The following DPP4 variants were observed in gnomAD, a reference collection of about 807,000 sequenced individuals.
The protein encoded by DPP4 is dipeptidyl peptidase 4.
DPP4 carries 93 observed loss-of-function variants against 122.4 expected under a neutral mutation model. That is an observed-to-expected ratio of 0.76 (90% CI 0.64 to 0.90). The LOEUF (loss-of-function observed/expected upper bound fraction) is 0.90, where lower values mean the gene tolerates loss of function less well. Among genes scored for constraint, DPP4 ranks in the 40% least tolerant of loss-of-function variants. DPP4 has a pLI of 0.00. For synonymous variants in DPP4, 321 were observed against 302.9 expected, an observed-to-expected ratio of 1.06 and a Z score of -0.62; for missense variants, 914 against 907.3, an observed-to-expected ratio of 1.01 and a Z score of -0.09.
In DPP4 at chr2:162,022,669, A is replaced by G; in HGVS notation, c.1068+86T>C. The stretch of plus-strand genomic sequence containing the variant: ...CTAATATTGCTATTAATAACGTATC[A>G]CTTAGAGCCCTAGTTTTAAATAGCT... On this transcript the variant is annotated intron_variant, in intron 12 of 25. Transcript: ENST00000360534. The G allele has an allele frequency of 3.9e-6, 5 of 1,271,756 alleles. No homozygotes were observed. The Admixed American group carries it at 8.5e-5, about 22-fold the overall frequency. 78.8% of individuals were successfully genotyped at this position (1,271,756 alleles called of 1,614,324 possible). A position where few individuals can be genotyped will look rare whatever the true frequency, so the allele number is the denominator to read the frequency against.
rs1267632895 is a variant in DPP4, at chr2:161,995,308, G to A, written c.2117C>T (p.Thr706Ile). Residue 706 changes from threonine (T) to isoleucine (I), a missense_variant, in exon 24 of 26, where the codon ACA becomes ATA. By Grantham distance (89) the Thr-to-Ile change is moderately conservative (BLOSUM62 -1). Coordinates refer to ENST00000360534, the MANE Select transcript of DPP4 (RefSeq NM_001935.4). ...AATTAACTGAAACTCACCATCTGCT[G>A]TTCCATGAATAAGGAGGTACTCAAC... ...KQVEYLLIHG[T>I]ADDNVHFQQS... is the part of the protein sequence containing the mutation. 4 of 1,613,826 alleles carry A rather than the reference G, an allele frequency of 2.5e-6. No homozygotes were observed. The East Asian group carries it at 8.9e-5, about 36-fold the overall frequency.
chr2:162,013,911 T>C (rs1238407908), intron 19 of DPP4, among the ~76,000 whole-genome samples: 3 of 152,168 alleles, frequency 2.0e-5, no homozygotes. Context: ...CTCAAAGACT[T>C]GAAGTTTTTA....
chr2:162,052,177 G>T (rs1684405294), intron 2 of DPP4, among the ~76,000 whole-genome samples: 1 of 151,988 alleles, frequency 6.6e-6, no homozygotes, highest in Non-Finnish European at 1.5e-5. Context: ...AATTAGCCGG[G>T]CGTGGTGGCA....
intron 2 of DPP4, among the ~76,000 whole-genome samples, chr2:162,049,787 T>C (rs1684320622): frequency 6.6e-6 from 1 of 152,212 alleles, no homozygotes; most frequent in Non-Finnish European, 1.5e-5. Flanking sequence ...TAATAAAAGA[T>C]TTTATTTCTT....
At chr2:162,019,134 AGT>A in intron 15 of DPP4, 87 bp downstream of exon 15, 1 of 1,110,878 alleles carries the variant, frequency 9.0e-7, no homozygotes, top group Non-Finnish European at 1.3e-6. Flanking sequence ...GTTTAATATT[AGT>A]TAGGACAAGG....
chr2:162,031,380 T>C (rs775629266), intron 10 of DPP4, among the ~76,000 whole-genome samples: 1 of 152,204 alleles, frequency 6.6e-6, no homozygotes, highest in East Asian at 1.9e-4. Flanking sequence ...TACACTTCTA[T>C]ATTATATCTC....
At chr2:162,023,576 C>G (rs1259394400) in intron 11 of DPP4, among the ~76,000 whole-genome samples, 1 of 152,218 alleles carries the variant, frequency 6.6e-6, no homozygotes, top group South Asian at 2.1e-4. Flanking sequence ...ATCTGCTCAG[C>G]ACACGGCAAC....
chr2:162,046,508 C>T (rs1043280084), intron 4 of DPP4, among the ~76,000 whole-genome samples: 7 of 152,038 alleles, frequency 4.6e-5, no homozygotes, highest in African/African-American at 1.7e-4. Context: ...AGTTTGAAAT[C>T]CTCATGTAGG....
intron 19 of DPP4, among the ~76,000 whole-genome samples, chr2:162,012,700 T>C (rs993263906): frequency 1.3e-5 from 2 of 151,986 alleles, no homozygotes; most frequent in African/African-American, 4.8e-5. Context: ...AGCACTCTCA[T>C]TTCTGCTTGT....
chr2:162,024,080 G>A (rs1400265039), intron 11 of DPP4, among the ~76,000 whole-genome samples: 1 of 152,238 alleles, frequency 6.6e-6, no homozygotes, highest in South Asian at 2.1e-4. Flanking sequence ...CAGGATGAGA[G>A]CAGGGATGGT....
At chr2:162,030,656 T>C (rs2106114217) in intron 10 of DPP4, among the ~76,000 whole-genome samples, 1 of 152,282 alleles carries the variant, frequency 6.6e-6, no homozygotes, top group Admixed American at 6.5e-5. Flanking sequence ...CTAGAGCATT[T>C]TTCCCAGAGA....
intron 9 of DPP4, among the ~76,000 whole-genome samples, chr2:162,034,700 A>G (rs554942334): frequency 6.6e-6 from 1 of 152,334 alleles, no homozygotes; most frequent in South Asian, 2.1e-4. Flanking sequence ...CAAATGTAGG[A>G]CATGAAAAAT....
rs1683092660 is a variant in DPP4, at chr2:162,020,663, G to C, written c.1094C>G (p.Thr365Ser). ...CTTGTAGAAGCTATTACCATCAAGG[G>C]TAAAATGAGGTTCTGAAGGCCTAAA... is the stretch of plus-strand genomic sequence containing the variant. ...GRFRPSEPHF[T>S]LDGNSFYKII... is the part of the protein sequence containing the mutation. The change falls in exon 13 of 26, where the codon ACC (threonine) becomes AGC (serine). Residue 365 changes from threonine (T) to serine (S), a missense_variant. By Grantham distance (58) the Thr-to-Ser change is moderately conservative (BLOSUM62 1). Transcript: ENST00000360534. 2 of 1,611,986 alleles carry C rather than the reference G, an allele frequency of 1.2e-6. No homozygotes were observed. The highest frequency in any genetic ancestry group is 1.6e-4 in the Middle Eastern group (1 of 6,068).
intron 19 of DPP4, among the ~76,000 whole-genome samples, chr2:162,012,640 C>T (rs1482792505): frequency 6.6e-6 from 1 of 152,044 alleles, no homozygotes; most frequent in East Asian, 1.9e-4. Flanking sequence ...TCACAGGCTA[C>T]CATCTACCCT....
chr2:161,994,941 T>A lies in DPP4; in HGVS notation c.2199+20A>T, dbSNP rs777037701. The A allele has an allele frequency of 4.3e-6, 7 of 1,613,084 alleles. No individual in the cohort carries two copies. In the Admixed American group the frequency reaches 1.2e-4, roughly 27 times the overall value. ...ACCCCACCAGCAACTTCCCTCCCCT[T>A]GCACAAAGTTTTTCTATACCATTGC... is the stretch of plus-strand genomic sequence containing the variant. On this transcript the variant is annotated intron_variant, in intron 25 of 25. Transcript: ENST00000360534.
intron 19 of DPP4, 100 bp downstream of exon 19, chr2:162,014,296 A>T: frequency 1.1e-6 from 1 of 911,330 alleles, no homozygotes; most frequent in Non-Finnish European, 1.7e-6. Context: ...ATCCAGGAAG[A>T]GGGAAAGGAC....
At chr2:162,049,949 T>A (rs1417676469) in intron 2 of DPP4, among the ~76,000 whole-genome samples, 1 of 152,234 alleles carries the variant, frequency 6.6e-6, no homozygotes, top group Non-Finnish European at 1.5e-5. Flanking sequence ...CTAAAGTATT[T>A]TTTTTTGGTC....
chr2:162,012,110 G>T, intron 19 of DPP4, 123 bp from the exon 20 acceptor site: 1 of 875,884 alleles, frequency 1.1e-6, no homozygotes. Context: ...AACTGTGCCA[G>T]CCTATGGGGT....
chr2:162,043,568 C>T (rs566890438), intron 5 of DPP4, among the ~76,000 whole-genome samples: 2 of 152,174 alleles, frequency 1.3e-5, no homozygotes, highest in African/African-American at 4.8e-5. Flanking sequence ...TACACGCATT[C>T]GTGCACATCA....
Sources: allele counts gnomAD v4.1 joint callset (sites outside exome capture counted in the v4.1 genomes callset), GRCh38; gene constraint gnomAD v4.1.1; transcripts MANE v1.5; gene names NCBI Gene and HGNC (gene_info 2026-07-23, HGNC 2026-07-21).